Variants in MPPE1 observed in about 807,000 individuals in gnomAD.
MPPE1 encodes the protein metallo phosphoesterase.
A neutral mutation model predicts 43.8 loss-of-function variants in MPPE1; 28 were observed. The observed-to-expected ratio is 0.64, with a 90% CI of 0.47 to 0.88. The LOEUF is 0.88. Among genes scored for constraint, MPPE1 ranks in the 40% least tolerant of loss-of-function variants. The pLI, the probability that MPPE1 is intolerant of heterozygous loss-of-function variation, is 0.00. For synonymous variants in MPPE1, 159 were observed against 188.5 expected, an observed-to-expected ratio of 0.84 and a Z score of 1.28; for missense variants, 428 against 492.2, an observed-to-expected ratio of 0.87 and a Z score of 1.23.
rs760053201 is a variant in MPPE1 at position 11,885,819 on chromosome 18, G to A, written c.868-3C>T. On this transcript the variant is annotated splice_region_variant and splice_polypyrimidine_tract_variant and intron_variant, in intron 9 of 10. Coordinates refer to ENST00000588072, the MANE Select transcript of MPPE1 (RefSeq NM_023075.6). The stretch of plus-strand genomic sequence containing the variant: ...CGCGGCTGGAGCCACCACAGCAGCT[G>A]ACAGTGGCCGAGAAGACAGCAAAGC... The A allele has an allele frequency of 6.2e-7, 1 of 1,602,424 alleles. No individual in the cohort carries two copies. The highest frequency in any genetic ancestry group is 1.7e-5 in the Admixed American group (1 of 59,356).
intron 4 of MPPE1, among the ~76,000 whole-genome samples, chr18:11,890,729 T>TGGGGG (rs2037903481): frequency 6.6e-6 from 1 of 152,194 alleles, no homozygotes; most frequent in South Asian, 2.1e-4. Flanking sequence ...TCATAGACCC[T>TGGGGG]GGTGGAGAAA....
chr18:11,900,800 G>T (rs374005653), intron 2 of MPPE1, among the ~76,000 whole-genome samples: 5 of 151,682 alleles, frequency 3.3e-5, no homozygotes, highest in Non-Finnish European at 1.5e-5. Flanking sequence ...CCAGCTACTC[G>T]GGAGGATGAG....
intron 2 of MPPE1, chr18:11,902,844 T>G (rs671612): frequency 6.6e-6 from 1 of 152,012 alleles, no homozygotes; most frequent in Non-Finnish European, 1.5e-5. Context: ...AAAACTGCAG[T>G]CCTCCAGCTT....
Position 11,886,176 on chromosome 18 carries a change from C to T in MPPE1, c.867+323G>A. On this transcript the variant is annotated intron_variant, in intron 9 of 10. Coordinates refer to ENST00000588072, the MANE Select transcript of MPPE1 (RefSeq NM_023075.6). The surrounding 1 kb of genome is among the most constrained non-coding windows in gnomAD (Gnocchi z 4.1). ...AATGCATTTTAATTTTAATTAAGTC[C>T]CTAAAAAATTGACTTTTCAGTTCCA... 2 of 259,182 alleles carry T rather than the reference C, an allele frequency of 7.7e-6. No individual in the cohort carries two copies. Among genetic ancestry groups the T allele is most frequent in the Non-Finnish European group, 1.5e-5 (2 of 136,838 alleles). The allele number at this position is 259,182 out of a possible 1,614,324, so 16.1% of individuals were successfully genotyped here. A position where few individuals can be genotyped will look rare whatever the true frequency, so the allele number is the denominator to read the frequency against.
rs1413229209 is a variant in MPPE1, at chr18:11,888,708, A to G, written c.530T>C (p.Val177Ala). 1 of 1,599,694 alleles carries G rather than the reference A, an allele frequency of 6.3e-7. No homozygotes were observed. The highest frequency in any genetic ancestry group is 1.4e-5 in the African/African-American group (1 of 74,020). ...NTYKVERFEK[V>A]FSSERLFSWK... ...AGAAAACAGTCTTTCAGAGCTGAAC[A>G]CTTTCTCAAAGCGTTCTACTTTGTA... Residue 177 changes from valine to alanine, a missense_variant, in exon 6 of 11, where the codon GTG (valine) becomes GCG (alanine). Physicochemically the swap from Val to Ala is moderately conservative, Grantham distance 64. This residue lies in a region of MPPE1 where 379 missense variants were observed against 402.5 expected (regional missense o/e 0.94). Transcript: ENST00000588072.
At position 11,884,614 on chromosome 18, in the gene MPPE1, G is replaced by T. The variant is rs2036899115; in HGVS notation, c.1022C>A (p.Pro341His). 2 of 1,613,534 alleles carry T rather than the reference G, an allele frequency of 1.2e-6. No individual in the cohort carries two copies. The highest frequency in any genetic ancestry group is 1.7e-6 in the Non-Finnish European group (2 of 1,179,958). The change falls in exon 11 of 11, where the codon CCC becomes CAC. Residue 341 changes from proline to histidine, a missense_variant. Physicochemically the swap from Pro to His is moderately conservative, Grantham distance 77. Around this residue, in one of 3 missense-constraint regions of MPPE1, gnomAD observed 379 missense variants for 402.5 expected, o/e 0.94. Transcript: ENST00000588072. ...GCACTTGGAGAGGGTGTAGTCTGTG[G>T]GCGTGATGCTACCCTGGAAAGGAGA... ...NPSFIMGSIT[P>H]TDYTLSKCYL...
chr18:11,887,138 C>T (rs2037405091), intron 6 of MPPE1, 113 bp from the exon 7 acceptor site: 2 of 692,794 alleles, frequency 2.9e-6, no homozygotes, highest in African/African-American at 1.8e-5. Context: ...AAGCCCAGAG[C>T]AGCTTTCAAT....
chr18:11,885,175 A>AGT, intron 10 of MPPE1: 1 of 661,302 alleles, frequency 1.5e-6, no homozygotes, highest in Non-Finnish European at 2.1e-6. Context: ...CTTTTTATGA[A>AGT]GTAAAAGAAC....
intron 2 of MPPE1, among the ~76,000 whole-genome samples, chr18:11,903,348 T>TG (rs1416239054): frequency 6.6e-6 from 1 of 152,056 alleles, no homozygotes; most frequent in African/African-American, 2.4e-5. Flanking sequence ...AAGCCACAGA[T>TG]GGGCATGCGT....
intron 10 of MPPE1, 46 bp downstream of exon 10, chr18:11,885,630 T>G: frequency 6.3e-7 from 1 of 1,588,958 alleles, no homozygotes; most frequent in Non-Finnish European, 8.6e-7. Flanking sequence ...TGTGTTGATT[T>G]AAATACTTAT....
At chr18:11,907,478 G>T (rs564745726) in intron 1 of MPPE1, among the ~76,000 whole-genome samples, 17 of 152,030 alleles carry the variant, frequency 1.1e-4, no homozygotes, top group African/African-American at 3.9e-4. Flanking sequence ...CACCAGCCAT[G>T]GTCACTCATA....
At chr18:11,885,858 A>T (rs752682332) in intron 9 of MPPE1, 42 bp from the exon 10 acceptor site, 1 of 1,559,912 alleles carries the variant, frequency 6.4e-7, no homozygotes, top group African/African-American at 1.4e-5. Flanking sequence ...CTGTTAGCTC[A>T]TCCTCAACCA....
At chr18:11,900,869 T>C (rs1391347616) in intron 2 of MPPE1, among the ~76,000 whole-genome samples, 2 of 146,348 alleles carry the variant, frequency 1.4e-5, no homozygotes, top group Non-Finnish European at 3.0e-5. Flanking sequence ...ATTGCGCCAC[T>C]GCACTCCAGC....
intron 2 of MPPE1, among the ~76,000 whole-genome samples, chr18:11,900,735 A>G (rs602785): frequency 0.41 from 61,344 of 151,094 alleles, 15,901 homozygotes; most frequent in African/African-American, 0.74. Flanking sequence ...GTGAAACCCC[A>G]TCTCTACTAA....
chr18:11,897,434 G>C, intron 2 of MPPE1, 78 bp from the exon 3 acceptor site: 1 of 618,056 alleles, frequency 1.6e-6, no homozygotes, highest in Non-Finnish European at 2.9e-6. Flanking sequence ...AAGAACTAAT[G>C]AGTTACATAA....
At chr18:11,901,943 T>C (rs2039253736) in intron 2 of MPPE1, among the ~76,000 whole-genome samples, 2 of 152,232 alleles carry the variant, frequency 1.3e-5, no homozygotes, top group South Asian at 4.1e-4. Flanking sequence ...TGGAGTCAAC[T>C]GCTCTTGCTG....
In MPPE1 at chr18:11,885,804, G is replaced by A. The variant is rs771582194; in HGVS notation, c.880C>T (p.Leu294Phe). Residue 294 changes from leucine to phenylalanine, a missense_variant, in exon 10 of 11, where the codon CTC becomes TTC. Leu to Phe is a conservative substitution (Grantham distance 22). Transcript: ENST00000588072. Reference protein sequence around the residue: ...REASQKLLWWLQPRLVLSGHT... With the variant: ...REASQKLLWWFQPRLVLSGHT... ...CCACTGAGAACCAGGCGCGGCTGGA[G>A]CCACCACAGCAGCTGACAGTGGCCG... The A allele has an allele frequency of 2.5e-5, 40 of 1,608,336 alleles. No individual in the cohort carries two copies. Among genetic ancestry groups the A allele is most frequent in the Non-Finnish European group, 3.4e-5 (40 of 1,176,042 alleles).
At chr18:11,903,185 C>A (rs114262492) in intron 2 of MPPE1, among the ~76,000 whole-genome samples, 1 of 152,078 alleles carries the variant, frequency 6.6e-6, no homozygotes, top group African/African-American at 2.4e-5. Context: ...TAGCAGCCAG[C>A]GCCAAGGAGA....
In MPPE1 at chr18:11,884,459, G is replaced by A. The variant is rs151247671; in HGVS notation, c.1177C>T (p.Arg393Cys). 1,949 of 1,613,912 alleles carry A rather than the reference G, an allele frequency of 1.2e-3. 6 individuals carry two copies. The highest frequency in any genetic ancestry group is 1.5e-3 in the Non-Finnish European group (1,781 of 1,179,948). ...GCGCCTGCTCTTCATCTTGTCTTAC[G>A]CTTTCCGAGCAAGTTCAAACCAGAA... ...FLSGLNLLGK[R>C]KTR The change falls in exon 11 of 11, where the codon CGT (arginine) becomes TGT (cysteine). Residue 393 changes from arginine (R) to cysteine (C), a missense_variant. Transcript: ENST00000588072.
Sources: gnomAD v4.1 joint callset for allele counts (sites outside exome capture counted in the v4.1 genomes callset) on GRCh38, gnomAD v4.1.1 for gene constraint, gnomAD v4.1.1 regional missense constraint, Gnocchi (gnomAD v3.1) non-coding constraint, MANE v1.5 for transcripts, NCBI Gene and HGNC (gene_info 2026-07-23, HGNC 2026-07-21) for gene names.